RBFOX1: variants seen among roughly 807,000 people sequenced by gnomAD.
The protein encoded by RBFOX1 is RNA binding fox-1 homolog 1.
A neutral mutation model predicts 57.7 loss-of-function variants in RBFOX1; 8 were observed. The observed-to-expected ratio is 0.14, with a 90% CI of 0.08 to 0.25. The LOEUF (loss-of-function observed/expected upper bound fraction) is 0.25. Ranked by LOEUF, RBFOX1 falls within the 10% of genes least tolerant of loss-of-function variation. RBFOX1 has a pLI of 1.00. For missense variants in RBFOX1, 611 were observed against 548.5 expected (o/e 1.11, Z -1.14); for synonymous variants, 326 against 222.4 (o/e 1.47, Z -4.15).
intron 3 of RBFOX1, among the ~76,000 whole-genome samples, chr16:5,856,683 A>T (rs8059964): frequency 0.014 from 2,006 of 148,156 alleles, 34 homozygotes; most frequent in African/African-American, 0.047. Flanking sequence ...TGTTATAGAG[A>T]TGGTTTCTTT....
At chr16:6,336,160 T>TATATAC (rs2083651108) in intron 2 of RBFOX1, among the ~76,000 whole-genome samples, 2 of 15,282 alleles carry the variant, frequency 1.3e-4, no homozygotes, top group Non-Finnish European at 3.2e-4. Context: ...TATACATATA[T>TATATAC]ATATATATAT....
chr16:6,924,727 A>G (rs2075205211), intron 3 of RBFOX1, among the ~76,000 whole-genome samples: 1 of 151,826 alleles, frequency 6.6e-6, no homozygotes. Flanking sequence ...CATGTGCACA[A>G]CGTGCAGGTT....
chr16:6,961,786 C>T (rs754761183), intron 3 of RBFOX1, among the ~76,000 whole-genome samples: 2 of 152,092 alleles, frequency 1.3e-5, no homozygotes, highest in East Asian at 3.9e-4. Context: ...TGAGAGTGTC[C>T]TTTAGCATGC....
At chr16:6,603,619 G>T (rs2154012657) in intron 2 of RBFOX1, among the ~76,000 whole-genome samples, 1 of 152,234 alleles carries the variant, frequency 6.6e-6, no homozygotes, top group Admixed American at 6.5e-5. Context: ...AGCCCCCCCG[G>T]GCAGCCGCTA....
At chr16:6,638,787 C>G (rs1410947762) in intron 2 of RBFOX1, among the ~76,000 whole-genome samples, 1 of 152,150 alleles carries the variant, frequency 6.6e-6, no homozygotes. Context: ...TTGGTTGGTG[C>G]AGGTGTTTGG....
chr16:6,133,359 T>C (rs999289442), intron 1 of RBFOX1, among the ~76,000 whole-genome samples: 4 of 152,222 alleles, frequency 2.6e-5, no homozygotes, highest in African/African-American at 9.6e-5. Context: ...GTTCTTCATT[T>C]TTAGTGCCTA....
At chr16:6,387,213 C>G (rs1278556806) in intron 2 of RBFOX1, among the ~76,000 whole-genome samples, 3 of 152,160 alleles carry the variant, frequency 2.0e-5, no homozygotes, top group Non-Finnish European at 2.9e-5. Context: ...CACTGGCTTT[C>G]ACTTACAGCC....
chr16:6,733,855 G>A (rs181135261), intron 3 of RBFOX1, among the ~76,000 whole-genome samples: 5 of 152,306 alleles, frequency 3.3e-5, no homozygotes, highest in East Asian at 1.9e-4. Flanking sequence ...CAGAGCTGAC[G>A]TTCACCCAGA....
intron 3 of RBFOX1, among the ~76,000 whole-genome samples, chr16:7,023,735 T>G (rs1040138321): frequency 3.3e-5 from 5 of 152,048 alleles, no homozygotes; most frequent in Admixed American, 2.6e-4. Context: ...CAGAAACAGG[T>G]ATCACTTATC....
At chr16:6,573,354 G>A (rs947561414) in intron 2 of RBFOX1, among the ~76,000 whole-genome samples, 1 of 152,138 alleles carries the variant, frequency 6.6e-6, no homozygotes, top group Non-Finnish European at 1.5e-5. Flanking sequence ...GCCCCGGACT[G>A]TCTTTCTCTC....
intron 4 of RBFOX1, among the ~76,000 whole-genome samples, chr16:7,277,191 T>G (rs2095457167): frequency 6.6e-6 from 1 of 152,192 alleles, no homozygotes; most frequent in Admixed American, 6.5e-5. Context: ...CGACTTTTAT[T>G]TAATGATTTT....
intron 3 of RBFOX1, among the ~76,000 whole-genome samples, chr16:6,690,320 G>C (rs750809250): frequency 2.3e-4 from 35 of 152,032 alleles, no homozygotes; most frequent in Admixed American, 1.3e-4. Flanking sequence ...TGTGCTTAGA[G>C]TGATAACATC....
intron 4 of RBFOX1, among the ~76,000 whole-genome samples, chr16:7,110,667 C>A (rs1169654367): frequency 2.6e-5 from 4 of 152,144 alleles, no homozygotes; most frequent in Non-Finnish European, 5.9e-5. Context: ...CATATTCATT[C>A]ACCATAGTTA....
intron 3 of RBFOX1, among the ~76,000 whole-genome samples, chr16:6,959,814 G>T (rs1183032159): frequency 6.6e-6 from 1 of 152,158 alleles, no homozygotes; most frequent in Non-Finnish European, 1.5e-5. Flanking sequence ...GCAGGCACCT[G>T]TAATTCCAGC....
intron 3 of RBFOX1, among the ~76,000 whole-genome samples, chr16:6,842,236 C>A (rs530745589): frequency 6.6e-6 from 1 of 151,902 alleles, no homozygotes; most frequent in Non-Finnish European, 1.5e-5. Context: ...CTGAATAATA[C>A]CTCTGACATG....
chr16:6,100,535 A>G (rs765971710), intron 1 of RBFOX1, among the ~76,000 whole-genome samples: 32 of 152,170 alleles, frequency 2.1e-4, no homozygotes, highest in Non-Finnish European at 4.1e-4. Context: ...CAAACCTTGC[A>G]CTTAATAGAC....
chr16:5,328,103 A>G (rs1329506165), intron 1 of RBFOX1, among the ~76,000 whole-genome samples: 1 of 152,160 alleles, frequency 6.6e-6, no homozygotes, highest in African/African-American at 2.4e-5. Flanking sequence ...GGGCAAAATG[A>G]AAGCCCTTTT....
rs1428773937 is a variant in RBFOX1, at chr16:5,957,749, T to C, written c.351+90414T>C. Among the ~76,000 whole-genome samples, 3 of 152,208 alleles carry C rather than the reference T, an allele frequency of 2.0e-5. No homozygotes were observed. The East Asian group carries it at 5.8e-4, about 29-fold the overall frequency. On this transcript the variant is annotated intron_variant, in intron 4 of 19. Coordinates refer to the RBFOX1 transcript ENST00000641259. ...GATGTTTTGATACACGCATGCAATGTACCACAGTCACATCATGGAGTGTGG... is the reference window on the plus strand; with the variant it reads ...GATGTTTTGATACACGCATGCAATGCACCACAGTCACATCATGGAGTGTGG...
chr16:5,626,969 C>A (rs2048367155), intron 3 of RBFOX1, among the ~76,000 whole-genome samples: 1 of 152,188 alleles, frequency 6.6e-6, no homozygotes, highest in South Asian at 2.1e-4. Context: ...TCAGATAAAT[C>A]AGCTTCCTTT....
Sources: allele counts gnomAD v4.1 joint callset (sites outside exome capture counted in the v4.1 genomes callset), GRCh38; gene constraint gnomAD v4.1.1; transcripts MANE v1.5; gene names NCBI Gene and HGNC (gene_info 2026-07-23, HGNC 2026-07-21).